Variants in ST8SIA1 observed in about 807,000 individuals in gnomAD.
ST8SIA1 encodes alpha-N-acetylneuraminide alpha-2,8-sialyltransferase.
In ST8SIA1, 16 loss-of-function variants were observed where a neutral mutation model predicts 35.9. The ratio of observed to expected loss-of-function variants is 0.45; its 90% CI spans 0.30 to 0.68. ST8SIA1 has a LOEUF of 0.68. ST8SIA1 is among the 30% of genes least tolerant of loss of function. The probability of loss-of-function intolerance (pLI) is 0.09; values close to 1 mark genes in which losing one functional copy is unlikely to be tolerated. For synonymous variants in ST8SIA1, 170 were observed against 169.6 expected (o/e 1.00, Z -0.02); for missense variants, 383 against 453.6 (o/e 0.84, Z 1.41).
chr12:22,282,748 T>C (rs972983046), intron 2 of ST8SIA1, among the ~76,000 whole-genome samples: 2 of 152,116 alleles, frequency 1.3e-5, no homozygotes, highest in Admixed American at 6.5e-5. Flanking sequence ...AGCCTAACAA[T>C]AGAACCTAAC....
At chr12:22,229,054 C>CAAAAAA (rs11463657) in intron 4 of ST8SIA1, among the ~76,000 whole-genome samples, 1 of 101,934 alleles carries the variant, frequency 9.8e-6, no homozygotes, top group African/African-American at 3.9e-5. Context: ...ACTCCATCTC[C>CAAAAAA]AAAAAAAAAA....
intron 3 of ST8SIA1, among the ~76,000 whole-genome samples, chr12:22,251,713 A>G (rs1865672237): frequency 6.6e-6 from 1 of 152,198 alleles, no homozygotes; most frequent in Non-Finnish European, 1.5e-5. Context: ...TGTTGGCACA[A>G]TTAACAAATA....
chr12:22,240,810 T>A (rs961244794), intron 4 of ST8SIA1, among the ~76,000 whole-genome samples: 1 of 152,188 alleles, frequency 6.6e-6, no homozygotes, highest in Admixed American at 6.5e-5. Context: ...TCTACTTGTA[T>A]GGGAAGATAT....
At position 22,316,111 on chromosome 12, in the gene ST8SIA1, TAAC is replaced by T. The variant is rs146749925; in HGVS notation, c.236+17883_236+17885del. The stretch of plus-strand genomic sequence containing the variant: ...AACAAGAAGTTTCAGTTCTTAATAA[TAAC>T]ATATAAATGAGTGAAATTCAAATAA... On this transcript the variant is annotated intron_variant, in intron 1 of 4. Transcript: ENST00000396037. Among the ~76,000 whole-genome samples, 1,296 of 152,260 alleles carry T rather than the reference TAAC, an allele frequency of 8.5e-3. 19 individuals are homozygous for T. The highest frequency in any genetic ancestry group is 0.03 in the African/African-American group (1,244 of 41,566).
chr12:22,325,692 T>C (rs1866666747), intron 1 of ST8SIA1: 1 of 606,762 alleles, frequency 1.6e-6, no homozygotes, highest in African/African-American at 1.9e-5. Context: ...TTTCCTATTT[T>C]TTCCTATACA....
intron 1 of ST8SIA1, among the ~76,000 whole-genome samples, chr12:22,303,710 GTGGT>G (rs1294914522): frequency 6.6e-6 from 1 of 151,512 alleles, no homozygotes; most frequent in Admixed American, 6.6e-5. Flanking sequence ...TTCTGTTTTT[GTGGT>G]TGTTTCCGTC....
chr12:22,210,359 G>A (rs570051963), intron 4 of ST8SIA1, among the ~76,000 whole-genome samples: 1 of 152,188 alleles, frequency 6.6e-6, no homozygotes, highest in Non-Finnish European at 1.5e-5. Context: ...TAGTGGTAAG[G>A]GTCTCTGTGT....
At chr12:22,326,242 T>C (rs1866678632) in intron 1 of ST8SIA1, 2 of 200,872 alleles carry the variant, frequency 1.0e-5, no homozygotes, top group Non-Finnish European at 2.0e-5. Context: ...ATTCAGCAAA[T>C]GTGGTTGAAT....
At chr12:22,325,281 G>T in intron 1 of ST8SIA1, 1 of 580,934 alleles carries the variant, frequency 1.7e-6, no homozygotes, top group Non-Finnish European at 3.1e-6. Flanking sequence ...GATGTAGTGG[G>T]ACGAAAGGCC....
At chr12:22,213,190 C>T (rs982942538) in intron 4 of ST8SIA1, among the ~76,000 whole-genome samples, 7 of 152,084 alleles carry the variant, frequency 4.6e-5, no homozygotes, top group South Asian at 2.1e-4. Flanking sequence ...TAGCCCCCTG[C>T]CCACCAAATT....
intron 2 of ST8SIA1, among the ~76,000 whole-genome samples, chr12:22,265,107 A>G (rs773417167): frequency 4.6e-5 from 7 of 152,234 alleles, no homozygotes; most frequent in Admixed American, 2.0e-4. Context: ...TCAAGTCCCA[A>G]TGAATTGAAA....
chr12:22,262,540 A>G (rs1330783975), intron 2 of ST8SIA1, among the ~76,000 whole-genome samples: 1 of 152,226 alleles, frequency 6.6e-6, no homozygotes, highest in African/African-American at 2.4e-5. Flanking sequence ...GATGTCTTGA[A>G]TGATAATTGT....
At chr12:22,248,182 T>C (rs895628890) in intron 4 of ST8SIA1, among the ~76,000 whole-genome samples, 5 of 152,286 alleles carry the variant, frequency 3.3e-5, no homozygotes, top group Admixed American at 6.5e-5. Flanking sequence ...TGTGAATAAG[T>C]GAACACACAT....
chr12:22,296,062 G>A (rs1017474425), intron 1 of ST8SIA1, among the ~76,000 whole-genome samples: 1 of 152,114 alleles, frequency 6.6e-6, no homozygotes. Flanking sequence ...GTTTTGGGGG[G>A]CATAATCTGC....
chr12:22,238,701 C>A (rs1865504417), intron 4 of ST8SIA1, among the ~76,000 whole-genome samples: 1 of 152,190 alleles, frequency 6.6e-6, no homozygotes, highest in Non-Finnish European at 1.5e-5. Flanking sequence ...TATGCAATGT[C>A]ATTTTCCAGT....
chr12:22,245,341 C>T (rs528294238), intron 4 of ST8SIA1, among the ~76,000 whole-genome samples: 5 of 152,100 alleles, frequency 3.3e-5, no homozygotes, highest in Non-Finnish European at 7.4e-5. Flanking sequence ...AGAGGACTTG[C>T]TTTCTTGTTT....
At chr12:22,320,040 G>A (rs1866566293) in intron 1 of ST8SIA1, among the ~76,000 whole-genome samples, 2 of 152,200 alleles carry the variant, frequency 1.3e-5, no homozygotes, top group African/African-American at 4.8e-5. Flanking sequence ...AATGGACTCA[G>A]TTGAGCATTT....
chr12:22,299,213 T>C (rs545989235), intron 1 of ST8SIA1, among the ~76,000 whole-genome samples: 1 of 152,284 alleles, frequency 6.6e-6, no homozygotes, highest in East Asian at 1.9e-4. Context: ...AAAACATTCT[T>C]TCTAAAAAAA....
At chr12:22,312,569 T>C (rs1866463126) in intron 1 of ST8SIA1, among the ~76,000 whole-genome samples, 1 of 152,136 alleles carries the variant, frequency 6.6e-6, no homozygotes, top group Non-Finnish European at 1.5e-5. Flanking sequence ...GTTTTTTCAG[T>C]GCATCATTAG....
Sources: allele counts gnomAD v4.1 joint callset (sites outside exome capture counted in the v4.1 genomes callset), GRCh38; gene constraint gnomAD v4.1.1; transcripts MANE v1.5; gene names NCBI Gene and HGNC (gene_info 2026-07-23, HGNC 2026-07-21).